TAFA4: variants seen among roughly 807,000 people sequenced by gnomAD.
TAFA4 encodes the protein TAFA chemokine like family member 4.
Under a neutral mutation model 21.1 loss-of-function variants are expected in TAFA4, and 20 were observed. The ratio of observed to expected loss-of-function variants is 0.95; its 90% CI spans 0.67 to 1.38. The LOEUF (loss-of-function observed/expected upper bound fraction) is 1.38, where lower values mean the gene tolerates loss of function less well. TAFA4 is among the 40% of genes most tolerant of loss of function. The pLI is 0.00. For missense variants in TAFA4, 211 were observed against 180.9 expected, an observed-to-expected ratio of 1.17 and a Z score of -0.95; for synonymous variants, 71 against 67.4, an observed-to-expected ratio of 1.05 and a Z score of -0.26.
At chr3:68,850,746 A>C (rs1173532140) in intron 3 of TAFA4, among the ~76,000 whole-genome samples, 5 of 148,052 alleles carry the variant, frequency 3.4e-5, no homozygotes, top group African/African-American at 1.3e-4. Context: ...TTTTTCTTGT[A>C]TATTTATTTA....
At chr3:68,930,317 T>C (rs2090147799) in intron 1 of TAFA4, among the ~76,000 whole-genome samples, 1 of 152,194 alleles carries the variant, frequency 6.6e-6, no homozygotes, top group South Asian at 2.1e-4. Flanking sequence ...GGGGTTTTTG[T>C]ATGTGCTAAG....
intron 5 of TAFA4, among the ~76,000 whole-genome samples, chr3:68,735,251 T>C (rs1702217339): frequency 6.6e-6 from 1 of 152,122 alleles, no homozygotes; most frequent in Non-Finnish European, 1.5e-5. Context: ...TGTACAATGA[T>C]TGGCAGTGAA....
intron 3 of TAFA4, among the ~76,000 whole-genome samples, chr3:68,763,029 C>T (rs71302145): frequency 6.6e-6 from 1 of 152,194 alleles, no homozygotes; most frequent in South Asian, 2.1e-4. Flanking sequence ...CAGAGCGAGA[C>T]TCCTTTTTTT....
chr3:68,882,495 G>A (rs1262928830), intron 2 of TAFA4, among the ~76,000 whole-genome samples: 1 of 152,166 alleles, frequency 6.6e-6, no homozygotes, highest in East Asian at 1.9e-4. Flanking sequence ...GGTCTCCACA[G>A]TCCCTCCCAC....
chr3:68,860,854 A>G (rs769630761), intron 3 of TAFA4, among the ~76,000 whole-genome samples: 1 of 152,130 alleles, frequency 6.6e-6, no homozygotes, highest in Non-Finnish European at 1.5e-5. Flanking sequence ...GCTAAATCAC[A>G]TCATCATTGG....
At chr3:68,833,728 A>G (rs1704455065) in intron 3 of TAFA4, among the ~76,000 whole-genome samples, 1 of 152,210 alleles carries the variant, frequency 6.6e-6, no homozygotes, top group Non-Finnish European at 1.5e-5. Flanking sequence ...CCCCCTATCC[A>G]CAACAAACAC....
intron 3 of TAFA4, among the ~76,000 whole-genome samples, chr3:68,823,051 T>C (rs1272768458): frequency 6.6e-6 from 1 of 152,166 alleles, no homozygotes; most frequent in Admixed American, 6.5e-5. Context: ...ATTTATAGAA[T>C]ACCAACCTTG....
At chr3:68,908,728 T>C (rs2089927775) in intron 1 of TAFA4, among the ~76,000 whole-genome samples, 1 of 152,210 alleles carries the variant, frequency 6.6e-6, no homozygotes, top group Non-Finnish European at 1.5e-5. Context: ...TACAATATGG[T>C]TGGTAAAAAC....
chr3:68,806,929 C>A (rs7621668), intron 3 of TAFA4, among the ~76,000 whole-genome samples: 100,211 of 151,624 alleles, frequency 0.66, 33,596 homozygotes, highest in East Asian at 0.98. Context: ...TCCTGAAAGG[C>A]CTAAGGCATT....
chr3:68,818,602 C>A lies in TAFA4; in HGVS notation c.130+62128G>T, dbSNP rs114618210. On this transcript the variant is annotated intron_variant, in intron 3 of 5. Coordinates refer to ENST00000295569, the MANE Select transcript of TAFA4 (RefSeq NM_182522.5). ...TTCCTTTCACTTGAAGACTTAGGAGCCAATGTAGGGTTATCAAGTGGCCTA... is the reference window on the plus strand; with the variant it reads ...TTCCTTTCACTTGAAGACTTAGGAGACAATGTAGGGTTATCAAGTGGCCTA... 4.3e-3 allele frequency among the ~76,000 whole-genome samples: 659 copies of A among 152,258 alleles called. 5 individuals carry two copies. Among genetic ancestry groups the A allele is most frequent in the African/African-American group, 0.015 (638 of 41,554 alleles).
At chr3:68,800,716 G>A (rs1483769737) in intron 3 of TAFA4, among the ~76,000 whole-genome samples, 2 of 152,210 alleles carry the variant, frequency 1.3e-5, no homozygotes, top group Non-Finnish European at 2.9e-5. Flanking sequence ...CACTCTTGAA[G>A]AATTTCATTA....
At chr3:68,848,301 G>T (rs1334486922) in intron 3 of TAFA4, among the ~76,000 whole-genome samples, 2 of 152,146 alleles carry the variant, frequency 1.3e-5, no homozygotes, top group African/African-American at 2.4e-5. Context: ...CTCATACATG[G>T]CTCTAAGGCT....
At chr3:68,751,255 G>T (rs1184256932) in intron 4 of TAFA4, among the ~76,000 whole-genome samples, 2 of 152,192 alleles carry the variant, frequency 1.3e-5, no homozygotes, top group Non-Finnish European at 2.9e-5. Flanking sequence ...TTATCTTAAA[G>T]AGAGTGGGAA....
chr3:68,892,689 T>A (rs1326222572), intron 1 of TAFA4, among the ~76,000 whole-genome samples: 1 of 152,236 alleles, frequency 6.6e-6, no homozygotes, highest in Non-Finnish European at 1.5e-5. Context: ...TCTGTCACTT[T>A]AAGAACTGAG....
At chr3:68,883,667 T>C (rs1043793439) in intron 2 of TAFA4, among the ~76,000 whole-genome samples, 5 of 152,232 alleles carry the variant, frequency 3.3e-5, no homozygotes, top group Non-Finnish European at 7.3e-5. Context: ...TGATCGATAA[T>C]TTGATCATGT....
chr3:68,829,954 GA>G (rs1385568326), intron 3 of TAFA4, among the ~76,000 whole-genome samples: 1 of 152,144 alleles, frequency 6.6e-6, no homozygotes, highest in Non-Finnish European at 1.5e-5. Flanking sequence ...ATTTCTTCTA[GA>G]TTTTCTAGTT....
chr3:68,788,352 C>T (rs752394120), intron 3 of TAFA4, among the ~76,000 whole-genome samples: 2 of 152,208 alleles, frequency 1.3e-5, no homozygotes, highest in Non-Finnish European at 2.9e-5. Flanking sequence ...CAGATATCAT[C>T]GGGCTGGCTC....
At chr3:68,819,341 G>C (rs1704062515) in intron 3 of TAFA4, among the ~76,000 whole-genome samples, 1 of 149,356 alleles carries the variant, frequency 6.7e-6, no homozygotes, top group African/African-American at 2.5e-5. Context: ...ATAAAACAAG[G>C]ATGCCTGTGT....
intron 3 of TAFA4, among the ~76,000 whole-genome samples, chr3:68,801,251 G>T (rs571444738): frequency 6.6e-6 from 1 of 152,258 alleles, no homozygotes; most frequent in South Asian, 2.1e-4. Flanking sequence ...GTCCCCCTGG[G>T]CCAAAATATC....
Sources: allele counts gnomAD v4.1 joint callset (sites outside exome capture counted in the v4.1 genomes callset), GRCh38; gene constraint gnomAD v4.1.1; transcripts MANE v1.5; gene names NCBI Gene and HGNC (gene_info 2026-07-23, HGNC 2026-07-21).